Variants in RAB43 observed in about 807,000 individuals in gnomAD.
RAB43 encodes ras-related protein Rab-43.
A neutral mutation model predicts 18.8 loss-of-function variants in RAB43; 6 were observed. That is an observed-to-expected ratio of 0.32 (90% CI 0.17 to 0.63). The LOEUF is 0.63. Among genes scored for constraint, RAB43 ranks in the 30% least tolerant of loss-of-function variants. RAB43 has a pLI of 0.79. For synonymous variants in RAB43, 103 were observed against 124.1 expected (o/e 0.83, Z 1.13); for missense variants, 195 against 289.1 (o/e 0.67, Z 2.36).
chr3:129,121,049 G>T (rs887194760), intron 1 of RAB43, among the ~76,000 whole-genome samples: 3 of 130,464 alleles, frequency 2.3e-5, no homozygotes, highest in Non-Finnish European at 3.1e-5. Context: ...GGGCAGGGCC[G>T]CCTCCTCCAC....
Position 129,121,546 on chromosome 3 carries a change from C to G in RAB43, c.-57G>C. The G allele has an allele frequency of 2.8e-6, 4 of 1,436,572 alleles. No individual in the cohort carries two copies. The highest frequency in any genetic ancestry group is 2.8e-6 in the Non-Finnish European group (3 of 1,076,958). The allele number at this position is 1,436,572 out of a possible 1,614,324, so 89.0% of individuals were successfully genotyped here. A position where few individuals can be genotyped will look rare whatever the true frequency, so the allele number is the denominator to read the frequency against. Reference sequence around the variant, plus strand: ...GGACGCTGGGACCGGCCTGAGCTCACGCAAGCCGCGGGCCGAGCTCCGCCC... The same window carrying G: ...GGACGCTGGGACCGGCCTGAGCTCAGGCAAGCCGCGGGCCGAGCTCCGCCC... On this transcript the variant is annotated 5_prime_UTR_variant, in exon 1 of 3. Transcript: ENST00000315150.
chr3:129,103,378 T>C (rs1325771906), intron 1 of RAB43, among the ~76,000 whole-genome samples: 1 of 152,190 alleles, frequency 6.6e-6, no homozygotes, highest in African/African-American at 2.4e-5. Context: ...TCTGAAACAG[T>C]GCTAGGATCT....
intron 1 of RAB43, among the ~76,000 whole-genome samples, chr3:129,120,270 C>G (rs1380503722): frequency 6.6e-6 from 1 of 152,124 alleles, no homozygotes; most frequent in East Asian, 1.9e-4. Context: ...CATATCCTAG[C>G]CAAAGGCAAC....
intron 1 of RAB43, among the ~76,000 whole-genome samples, chr3:129,101,077 AT>A (rs1183060477): frequency 6.6e-6 from 1 of 152,182 alleles, no homozygotes; most frequent in East Asian, 1.9e-4. Context: ...AAGTGCTGGG[AT>A]TGCAGGTGTG....
intron 1 of RAB43, among the ~76,000 whole-genome samples, chr3:129,099,704 T>G (rs922553691): frequency 6.6e-6 from 1 of 152,160 alleles, no homozygotes; most frequent in Non-Finnish European, 1.5e-5. Flanking sequence ...ATTTTTAAAT[T>G]AGTGGAAATT....
intron 2 of RAB43, among the ~76,000 whole-genome samples, chr3:129,094,607 C>T (rs1205038960): frequency 6.7e-6 from 1 of 149,844 alleles, no homozygotes; most frequent in East Asian, 2.0e-4. Flanking sequence ...CTCCGCCTCC[C>T]AGGTTCATGC....
chr3:129,101,150 G>A (rs1380362874), intron 1 of RAB43, among the ~76,000 whole-genome samples: 1 of 152,202 alleles, frequency 6.6e-6, no homozygotes, highest in East Asian at 1.9e-4. Flanking sequence ...AGAGTCAAAT[G>A]ACCAAACCCA....
At chr3:129,113,062 T>A (rs866363194) in intron 1 of RAB43, among the ~76,000 whole-genome samples, 9 of 152,082 alleles carry the variant, frequency 5.9e-5, no homozygotes, top group Non-Finnish European at 1.0e-4. Context: ...TCACAGCGGA[T>A]GAAACCTTCG....
chr3:129,119,235 C>T (rs1284501655), intron 1 of RAB43, among the ~76,000 whole-genome samples: 1 of 152,142 alleles, frequency 6.6e-6, no homozygotes, highest in Non-Finnish European at 1.5e-5. Context: ...GGCAGCGGAC[C>T]CCAGGAAGCC....
Position 129,091,170 on chromosome 3 carries a change from A to C in RAB43, c.565T>G (p.Phe189Val), listed in dbSNP as rs1325259935. ...ELIMRHGGPL[F>V]SEKSPDHIQL... ...ATGTGGTCGGGGCTCTTCTCGCTGA[A>C]CAAGGGGCCCCCGTGCCGCATGATG... Residue 189 changes from phenylalanine to valine, a missense_variant, in exon 3 of 3, where the codon TTC (phenylalanine) becomes GTC (valine). Phe to Val is a conservative substitution (Grantham distance 50). Coordinates refer to ENST00000315150, the MANE Select transcript of RAB43 (RefSeq NM_198490.3). 1.0e-5 allele frequency: 16 copies of C among 1,573,978 alleles called. No individual in the cohort carries two copies. Among genetic ancestry groups the C allele is most frequent in the African/African-American group, 1.4e-5 (1 of 73,858 alleles).
chr3:129,104,984 G>GC (rs1229897769), intron 1 of RAB43, among the ~76,000 whole-genome samples: 1 of 152,012 alleles, frequency 6.6e-6, no homozygotes, highest in African/African-American at 2.4e-5. Flanking sequence ...CTTTACTCTT[G>GC]CCCCTACAAC....
chr3:129,100,205 C>T (rs954168369), intron 1 of RAB43, among the ~76,000 whole-genome samples: 6 of 152,124 alleles, frequency 3.9e-5, no homozygotes, highest in African/African-American at 1.4e-4. Context: ...GAAGACAATG[C>T]TGAGAAGTGC....
chr3:129,112,570 C>G (rs1051216757), intron 1 of RAB43, among the ~76,000 whole-genome samples: 1 of 152,114 alleles, frequency 6.6e-6, no homozygotes, highest in Non-Finnish European at 1.5e-5. Context: ...TTAGGTCTCT[C>G]AAATCAAAAT....
Position 129,119,160 on chromosome 3 carries a change from A to G in RAB43, c.204+2126T>C, listed in dbSNP as rs77516050. ...CTCAAAAAACTTGACTTAAAATCAC[A>G]TTGCCAAAAGACTACTCAGAGGCAC... On this transcript the variant is annotated intron_variant, in intron 1 of 2. Coordinates refer to ENST00000315150, the MANE Select transcript of RAB43 (RefSeq NM_198490.3). 7.2e-3 allele frequency among the ~76,000 whole-genome samples: 1,093 copies of G among 152,322 alleles called. 5 individuals carry two copies. Among genetic ancestry groups the G allele is most frequent in the Middle Eastern group, 0.041 (12 of 294 alleles).
intron 1 of RAB43, among the ~76,000 whole-genome samples, chr3:129,110,262 G>A (rs1036499481): frequency 4.6e-5 from 7 of 152,102 alleles, no homozygotes; most frequent in East Asian, 1.9e-4. Context: ...AGAAGGCAAC[G>A]TGGAAGAGAA....
intron 2 of RAB43, among the ~76,000 whole-genome samples, chr3:129,094,601 G>A (rs185290283): frequency 9.2e-4 from 111 of 120,410 alleles, no homozygotes; most frequent in Non-Finnish European, 1.4e-3. Context: ...TGCAAGCTCC[G>A]CCTCCCAGGT....
chr3:129,094,936 T>C (rs760035570), intron 2 of RAB43, 50 bp downstream of exon 2: 5 of 1,578,006 alleles, frequency 3.2e-6, no homozygotes, highest in Middle Eastern at 1.8e-4. Context: ...GAGGGAGGCA[T>C]GGACAGGCAG....
At chr3:129,117,373 G>A (rs987747099) in intron 1 of RAB43, among the ~76,000 whole-genome samples, 4 of 152,222 alleles carry the variant, frequency 2.6e-5, no homozygotes, top group Non-Finnish European at 4.4e-5. Flanking sequence ...GTTGAAGCAA[G>A]ACTCAGAACT....
intron 1 of RAB43, among the ~76,000 whole-genome samples, chr3:129,104,520 G>A (rs764492265): frequency 6.6e-6 from 1 of 152,210 alleles, no homozygotes; most frequent in Admixed American, 6.5e-5. Context: ...CCCAGAGTGT[G>A]TATGCTCAGA....
Sources: allele counts gnomAD v4.1 joint callset (sites outside exome capture counted in the v4.1 genomes callset), GRCh38; gene constraint gnomAD v4.1.1; transcripts MANE v1.5; gene names NCBI Gene and HGNC (gene_info 2026-07-23, HGNC 2026-07-21).